EDC3: variants seen among roughly 807,000 people sequenced by gnomAD.
EDC3 encodes enhancer of mRNA decapping 3.
Under a neutral mutation model 41.8 loss-of-function variants are expected in EDC3, and 20 were observed. The observed-to-expected ratio is 0.48, with a 90% CI of 0.34 to 0.70. EDC3 has a LOEUF of 0.70. EDC3 is among the 30% of genes least tolerant of loss of function. The probability of loss-of-function intolerance (pLI) is 0.01; values close to 1 mark genes in which losing one functional copy is unlikely to be tolerated. For synonymous variants in EDC3, 206 were observed against 243.2 expected, an observed-to-expected ratio of 0.85 and a Z score of 1.42; for missense variants, 444 against 636.8, an observed-to-expected ratio of 0.70 and a Z score of 3.26.
chr15:74,695,712 G>C (rs2063057308), intron 1 of EDC3, 168 bp downstream of exon 1: 1 of 153,276 alleles, frequency 6.5e-6, no homozygotes, highest in East Asian at 1.9e-4. Context: ...AAACTCCTGG[G>C]GCCGCCCGTA....
Position 74,631,672 on chromosome 15 carries a change from G to C in EDC3, c.*940C>G, listed in dbSNP as rs1235203252. On this transcript the variant is annotated 3_prime_UTR_variant, in exon 7 of 7. Coordinates refer to ENST00000315127, the MANE Select transcript of EDC3 (RefSeq NM_025083.5). ...AAGGGCAGAGGGGATGAAAGAGTAG[G>C]TGGGGCATGTATGTGCGGGCAAAGG... 1 of 152,884 alleles carries C rather than the reference G, an allele frequency of 6.5e-6. No individual in the cohort carries two copies. The highest frequency in any genetic ancestry group is 1.5e-5 in the Non-Finnish European group (1 of 68,230). 9.5% of individuals were successfully genotyped at this position (152,884 alleles called of 1,614,324 possible). A position where few individuals can be genotyped will look rare whatever the true frequency, so the allele number is the denominator to read the frequency against.
At chr15:74,634,388 T>C (rs1452534570) in intron 6 of EDC3, among the ~76,000 whole-genome samples, 1 of 152,210 alleles carries the variant, frequency 6.6e-6, no homozygotes, top group African/African-American at 2.4e-5. Flanking sequence ...AACTTCTGTA[T>C]CTACTCTCTT....
At chr15:74,646,963 G>A (rs896600202) in intron 4 of EDC3, among the ~76,000 whole-genome samples, 14 of 151,206 alleles carry the variant, frequency 9.3e-5, no homozygotes, top group Admixed American at 2.0e-4. Flanking sequence ...CACAGTGTCT[G>A]CATATTAAAT....
chr15:74,675,586 G>GTT (rs772480443), intron 1 of EDC3, among the ~76,000 whole-genome samples: 12 of 139,252 alleles, frequency 8.6e-5, no homozygotes, highest in African/African-American at 1.8e-4. Flanking sequence ...CTGGATAGTT[G>GTT]TTTTTTTTTT....
At chr15:74,657,810 A>G (rs1405115044) in intron 3 of EDC3, among the ~76,000 whole-genome samples, 1 of 152,190 alleles carries the variant, frequency 6.6e-6, no homozygotes, top group Admixed American at 6.5e-5. Context: ...CTACCACTAC[A>G]AATTGCTATT....
rs905102056 is a variant in EDC3 at position 74,645,212 on chromosome 15, C to G, written c.821-4593G>C. 3.3e-5 allele frequency: 5 copies of G among 152,098 alleles called. No homozygotes were observed. The East Asian group carries it at 9.6e-4, about 29-fold the overall frequency. The allele number at this position is 152,098 out of a possible 1,614,324, so 9.4% of individuals were successfully genotyped here. A position where few individuals can be genotyped will look rare whatever the true frequency, so the allele number is the denominator to read the frequency against. Reference sequence around the variant, plus strand: ...GTGCAATGGATGATTAAAAATACAGCTATAAAGGATATTACTGGGATAATT... The same window carrying G: ...GTGCAATGGATGATTAAAAATACAGGTATAAAGGATATTACTGGGATAATT... On this transcript the variant is annotated intron_variant, in intron 4 of 6. Coordinates refer to ENST00000315127, the MANE Select transcript of EDC3 (RefSeq NM_025083.5).
chr15:74,665,558 C>A (rs925270802), intron 3 of EDC3, among the ~76,000 whole-genome samples: 2 of 152,192 alleles, frequency 1.3e-5, no homozygotes, highest in African/African-American at 4.8e-5. Flanking sequence ...TTTCCCTCTG[C>A]TCCCTGGGAC....
chr15:74,656,837 T>G (rs1160019679), intron 3 of EDC3, among the ~76,000 whole-genome samples: 3 of 152,180 alleles, frequency 2.0e-5, no homozygotes, highest in African/African-American at 7.2e-5. Flanking sequence ...GAGAAACAGC[T>G]GGATGTTGGA....
intron 6 of EDC3, 42 bp downstream of exon 6, chr15:74,635,364 TAAG>T: frequency 1.9e-6 from 3 of 1,581,200 alleles, no homozygotes; most frequent in Non-Finnish European, 2.6e-6. Context: ...ATCAAACTGC[TAAG>T]GAGGGAGGAG....
intron 1 of EDC3, among the ~76,000 whole-genome samples, chr15:74,691,627 A>C (rs2063008641): frequency 6.6e-6 from 1 of 152,196 alleles, no homozygotes. Context: ...ATCAACTTCC[A>C]TGCTACTCTC....
chr15:74,669,233 C>T (rs956251710), intron 3 of EDC3, among the ~76,000 whole-genome samples: 1 of 151,880 alleles, frequency 6.6e-6, no homozygotes, highest in Non-Finnish European at 1.5e-5. Flanking sequence ...ATCCCAGCTA[C>T]TCGGGAGGCT....
At chr15:74,693,614 T>C (rs1276410942) in intron 1 of EDC3, among the ~76,000 whole-genome samples, 4 of 152,128 alleles carry the variant, frequency 2.6e-5, no homozygotes, top group African/African-American at 9.7e-5. Flanking sequence ...TCTCCATACA[T>C]AGATTTTCAA....
chr15:74,647,337 G>A (rs2062430287), intron 4 of EDC3, among the ~76,000 whole-genome samples: 1 of 152,108 alleles, frequency 6.6e-6, no homozygotes, highest in Non-Finnish European at 1.5e-5. Context: ...CTAGGCACTT[G>A]TGGCTCTGGA....
At chr15:74,652,377 A>T (rs568663755) in intron 4 of EDC3, among the ~76,000 whole-genome samples, 2 of 151,316 alleles carry the variant, frequency 1.3e-5, no homozygotes, top group South Asian at 4.2e-4. Flanking sequence ...ACAGGCGCCC[A>T]CCACCATGCC....
At position 74,673,062 on chromosome 15, in the gene EDC3, G is replaced by A. The variant is rs142350341; in HGVS notation, c.165-1288C>T. Among the ~76,000 whole-genome samples, 239 of 152,180 alleles carry A rather than the reference G, an allele frequency of 1.6e-3. 1 individual carries two copies. Among genetic ancestry groups the A allele is most frequent in the African/African-American group, 5.6e-3 (234 of 41,516 alleles). ...ATGGCCCACGTGAGGAACTGCAAGT[G>A]TTATGGTGATACTAAAGGGACGGAT... On this transcript the variant is annotated intron_variant, in intron 2 of 6. Transcript: ENST00000315127.
chr15:74,638,916 A>ACAC (rs1464102259), intron 5 of EDC3: 1 of 150,730 alleles, frequency 6.6e-6, no homozygotes, highest in Non-Finnish European at 1.5e-5. Context: ...AACAACAACA[A>ACAC]CACCCATCTG....
intron 3 of EDC3, among the ~76,000 whole-genome samples, chr15:74,656,916 G>A (rs887749934): frequency 6.6e-6 from 1 of 152,230 alleles, no homozygotes; most frequent in African/African-American, 2.4e-5. Flanking sequence ...TAACTATGGA[G>A]AAGAATTTGG....
chr15:74,645,566 G>GGGGC (rs2062403995), intron 4 of EDC3, among the ~76,000 whole-genome samples: 1 of 76,894 alleles, frequency 1.3e-5, no homozygotes, highest in African/African-American at 4.6e-5. Flanking sequence ...AAAAAAGTTG[G>GGGGC]GGGGGGGGGG....
chr15:74,646,302 A>G (rs1051194491), intron 4 of EDC3, among the ~76,000 whole-genome samples: 2 of 151,768 alleles, frequency 1.3e-5, no homozygotes, highest in African/African-American at 2.4e-5. Context: ...TGAACTCCTG[A>G]CCCCAGGTGA....
Sources: gnomAD v4.1 joint callset for allele counts (sites outside exome capture counted in the v4.1 genomes callset) on GRCh38, gnomAD v4.1.1 for gene constraint, MANE v1.5 for transcripts, NCBI Gene and HGNC (gene_info 2026-07-23, HGNC 2026-07-21) for gene names.